The following CDH23 variants were observed in gnomAD, a reference collection of about 807,000 sequenced individuals.
CDH23 encodes cadherin related 23.
In CDH23, 189 loss-of-function variants were observed where a neutral mutation model predicts 317.1. That is an observed-to-expected ratio of 0.60 (90% CI 0.53 to 0.67). CDH23 has a LOEUF of 0.67. CDH23 is among the 30% of genes least tolerant of loss of function. The pLI is 0.00. For missense variants in CDH23, 4,401 were observed against 4,592.4 expected (o/e 0.96, Z 1.20); for synonymous variants, 1,839 against 1,876.8 (o/e 0.98, Z 0.52).
intron 9 of CDH23, among the ~76,000 whole-genome samples, chr10:71,599,467 A>T (rs1860073085): frequency 6.6e-6 from 1 of 152,170 alleles, no homozygotes; most frequent in Non-Finnish European, 1.5e-5. Context: ...CTTATGAGAG[A>T]TGCATACAGT....
chr10:71,808,815 A>T (rs573462586), intron 60 of CDH23, among the ~76,000 whole-genome samples: 34 of 152,164 alleles, frequency 2.2e-4, no homozygotes, highest in African/African-American at 7.7e-4. Flanking sequence ...GCTGCTTAGC[A>T]TCCCCACGGC....
At position 71,793,442 on chromosome 10, in the gene CDH23, C is replaced by T. The variant is rs1359360802; in HGVS notation, c.6514C>T (p.Pro2172Ser). 6.2e-7 allele frequency: 1 copy of T among 1,613,998 alleles called. No individual in the cohort carries two copies. The part of the protein sequence containing the change: ...ILIDDINDSR[P>S]EFLNPIQTVS... ...GATCGATGACATCAATGACTCCCGCCCCGAGTTCCTCAACCCCATCCAGAC... is the reference window on the plus strand; with the variant it reads ...GATCGATGACATCAATGACTCCCGCTCCGAGTTCCTCAACCCCATCCAGAC... Residue 2172 changes from proline to serine, a missense_variant, in exon 48 of 70, where the codon CCC (proline) becomes TCC (serine). Pro to Ser is a moderately conservative substitution (Grantham distance 74). Coordinates refer to ENST00000224721, the MANE Select transcript of CDH23 (RefSeq NM_022124.6).
intron 1 of CDH23, among the ~76,000 whole-genome samples, chr10:71,410,369 G>A (rs1848293520): frequency 6.6e-6 from 1 of 151,758 alleles, no homozygotes; most frequent in Non-Finnish European, 1.5e-5. Context: ...AGTCCTGGAA[G>A]ATTTCCAGGA....
intron 14 of CDH23, among the ~76,000 whole-genome samples, chr10:71,663,332 C>G (rs1019887769): frequency 5.9e-5 from 9 of 152,214 alleles, no homozygotes; most frequent in Non-Finnish European, 1.5e-5. Flanking sequence ...CGTCTCTGAA[C>G]CACCCACCCC....
At chr10:71,516,490 G>C (rs1242083604) in intron 6 of CDH23, among the ~76,000 whole-genome samples, 1 of 152,244 alleles carries the variant, frequency 6.6e-6, no homozygotes, top group Non-Finnish European at 1.5e-5. Context: ...CTCCTTACTA[G>C]AGATGGGAAA....
Position 71,775,177 on chromosome 10 carries a change from C to T in CDH23, c.4846-2503C>T, listed in dbSNP as rs560030841. Among the ~76,000 whole-genome samples the T allele has an allele frequency of 4.7e-4, 72 of 152,254 alleles. 1 individual carries two copies. The highest frequency in any genetic ancestry group is 1.5e-3 in the African/African-American group (64 of 41,546). ...CCCTTCCACCAGGGGAGGTACAAAG[C>T]CAACTGAGATCAGGTGGACACCGGG... is the stretch of plus-strand genomic sequence containing the variant. On this transcript the variant is annotated intron_variant, in intron 38 of 69. Transcript: ENST00000224721.
intron 3 of CDH23, among the ~76,000 whole-genome samples, chr10:71,478,223 G>T (rs971803055): frequency 6.6e-6 from 1 of 152,138 alleles, no homozygotes; most frequent in Non-Finnish European, 1.5e-5. Flanking sequence ...AAGCTTCTTA[G>T]CCTGGCATAC....
intron 18 of CDH23, among the ~76,000 whole-genome samples, chr10:71,687,323 G>C (rs1173600754): frequency 6.6e-6 from 1 of 152,188 alleles, no homozygotes; most frequent in Middle Eastern, 3.2e-3. Context: ...CTGGGGCTCA[G>C]CTGGAGGACC....
chr10:71,614,113 C>T (rs779717745), intron 9 of CDH23, among the ~76,000 whole-genome samples: 1 of 152,236 alleles, frequency 6.6e-6, no homozygotes. Flanking sequence ...ATGACCCCTC[C>T]TCTATGGAGC....
intron 6 of CDH23, among the ~76,000 whole-genome samples, chr10:71,517,203 T>C (rs1854381036): frequency 6.6e-6 from 1 of 152,244 alleles, no homozygotes; most frequent in African/African-American, 2.4e-5. Context: ...TTCCTTACTG[T>C]GCATGGTCCA....
chr10:71,498,834 T>G (rs1229270204), intron 3 of CDH23, among the ~76,000 whole-genome samples: 1 of 151,954 alleles, frequency 6.6e-6, no homozygotes, highest in Non-Finnish European at 1.5e-5. Flanking sequence ...TTTCTAAGAG[T>G]CAGGGCCAGG....
At chr10:71,517,811 G>T (rs570800478) in intron 6 of CDH23, among the ~76,000 whole-genome samples, 41 of 152,190 alleles carry the variant, frequency 2.7e-4, no homozygotes, top group Non-Finnish European at 1.5e-5. Context: ...AGCCAGAGTG[G>T]GTTTTTCTGG....
chr10:71,747,809 C>T (rs1839888945), intron 38 of CDH23: 1 of 152,302 alleles, frequency 6.6e-6, no homozygotes, highest in Non-Finnish European at 1.5e-5. Flanking sequence ...TCTATCTCGG[C>T]ACTGTCTCAC....
chr10:71,608,250 T>C (rs569383714), intron 9 of CDH23, among the ~76,000 whole-genome samples: 24 of 152,188 alleles, frequency 1.6e-4, no homozygotes, highest in African/African-American at 5.3e-4. Context: ...AGAGAGACCA[T>C]TGGAAGGAAT....
chr10:71,811,263 G>C, intron 62 of CDH23, 52 bp from the exon 63 acceptor site: 1 of 1,613,076 alleles, frequency 6.2e-7, no homozygotes, highest in Non-Finnish European at 8.5e-7. Context: ...CAGACTGTCG[G>C]TGGTGGGGGA....
intron 3 of CDH23, among the ~76,000 whole-genome samples, chr10:71,456,287 C>T (rs938026258): frequency 6.6e-6 from 1 of 151,512 alleles, no homozygotes; most frequent in African/African-American, 2.4e-5. Context: ...GAAGGGAGGA[C>T]TTTTCTCTCC....
rs569631832 is a variant in CDH23 at position 71,812,985 on chromosome 10, T to G, written c.9633+95T>G. On this transcript the variant is annotated intron_variant, in intron 68 of 69. Coordinates refer to ENST00000224721, the MANE Select transcript of CDH23 (RefSeq NM_022124.6). ...GGTGGTAGAGACCTCCAGGCTCAGC[T>G]AGACCCACCCTCCACTGGGGCGAGA... 3.8e-5 allele frequency: 59 copies of G among 1,545,848 alleles called. No individual in the cohort carries two copies. In the South Asian group the frequency reaches 6.8e-4, roughly 18 times the overall value.
chr10:71,413,363 T>G (rs1334655266), intron 1 of CDH23, among the ~76,000 whole-genome samples: 1 of 152,232 alleles, frequency 6.6e-6, no homozygotes, highest in Non-Finnish European at 1.5e-5. Context: ...AAGTTCCACC[T>G]TTTTGATCAC....
At chr10:71,406,586 C>G (rs566414364) in intron 1 of CDH23, among the ~76,000 whole-genome samples, 2 of 152,292 alleles carry the variant, frequency 1.3e-5, no homozygotes, top group Admixed American at 6.5e-5. Flanking sequence ...ACTGTTTGGT[C>G]TATGTTGCTA....
Sources: gnomAD v4.1 joint callset for allele counts (sites outside exome capture counted in the v4.1 genomes callset) on GRCh38, gnomAD v4.1.1 for gene constraint, MANE v1.5 for transcripts, NCBI Gene and HGNC (gene_info 2026-07-23, HGNC 2026-07-21) for gene names.